The following ERBB4 variants were observed in gnomAD, a reference collection of about 807,000 sequenced individuals.
ERBB4 encodes erb-b2 receptor tyrosine kinase 4, also known as receptor tyrosine-protein kinase erbB-4.
In ERBB4, 42 loss-of-function variants were observed where a neutral mutation model predicts 158.0. The observed-to-expected ratio is 0.27, with a 90% confidence interval of 0.21 to 0.34. ERBB4 has a LOEUF of 0.34. Ranked by LOEUF, ERBB4 falls within the 10% of genes least tolerant of loss-of-function variation. ERBB4 has a pLI of 1.00. For missense variants in ERBB4, 1,333 were observed against 1,624.1 expected (o/e 0.82, Z 3.08); for synonymous variants, 583 against 558.7 (o/e 1.04, Z -0.61).
At chr2:211,769,459 T>C (rs1401571203) in intron 4 of ERBB4, among the ~76,000 whole-genome samples, 2 of 152,206 alleles carry the variant, frequency 1.3e-5, no homozygotes, top group South Asian at 2.1e-4. Context: ...AAATCTGTTA[T>C]TAGTCAGCGT....
intron 1 of ERBB4, among the ~76,000 whole-genome samples, chr2:212,536,316 G>C (rs1423435032): frequency 6.6e-6 from 1 of 152,112 alleles, no homozygotes; most frequent in African/African-American, 2.4e-5. Flanking sequence ...GGGTGGGGGT[G>C]GGGGAGGATG....
intron 1 of ERBB4, among the ~76,000 whole-genome samples, chr2:212,311,197 C>T (rs777872971): frequency 8.0e-5 from 12 of 150,580 alleles, no homozygotes; most frequent in Non-Finnish European, 1.8e-4. Flanking sequence ...AGATAGGGGT[C>T]ATCAAATTTT....
At chr2:211,915,636 A>G (rs1460326978) in intron 3 of ERBB4, among the ~76,000 whole-genome samples, 1 of 151,980 alleles carries the variant, frequency 6.6e-6, no homozygotes, top group East Asian at 1.9e-4. Flanking sequence ...TGGAATGACA[A>G]AAAAACAAGG....
At chr2:211,716,874 ACTAAT>A (rs142973913) in intron 7 of ERBB4, among the ~76,000 whole-genome samples, 9,478 of 152,254 alleles carry the variant, frequency 0.062, 384 homozygotes, top group African/African-American at 0.11. Context: ...AGATACACAA[ACTAAT>A]CTAAGAAAGG....
chr2:212,497,027 G>C (rs1183907666), intron 1 of ERBB4, among the ~76,000 whole-genome samples: 1 of 151,612 alleles, frequency 6.6e-6, no homozygotes, highest in Non-Finnish European at 1.5e-5. Context: ...TAAAAAATAT[G>C]AAAATTAGCT....
At chr2:211,913,652 T>C (rs1029984321) in intron 3 of ERBB4, among the ~76,000 whole-genome samples, 1 of 146,436 alleles carries the variant, frequency 6.8e-6, no homozygotes, top group African/African-American at 2.5e-5. Flanking sequence ...TGTGTGTGTG[T>C]GTGTGTATGT....
intron 1 of ERBB4, among the ~76,000 whole-genome samples, chr2:212,241,675 C>T (rs144624346): frequency 2.0e-3 from 311 of 152,074 alleles, no homozygotes; most frequent in African/African-American, 7.1e-3. Context: ...TATTTGCGAC[C>T]ATATCTTTTA....
chr2:211,378,887 C>A lies in ERBB4; in HGVS notation c.*4728G>T, dbSNP rs2062526604. On this transcript the variant is annotated 3_prime_UTR_variant, in exon 28 of 28. Transcript: ENST00000342788. Reference sequence around the variant, plus strand: ...ACAGTAGAAGTTAATTTATCTGTTTCTTTTTTTTTTTTTAACAACTAGAAG... The same window carrying A: ...ACAGTAGAAGTTAATTTATCTGTTTATTTTTTTTTTTTTAACAACTAGAAG... The A allele has an allele frequency of 4.8e-6, 1 of 208,454 alleles. No individual in the cohort carries two copies. Among genetic ancestry groups the A allele is most frequent in the African/African-American group, 2.3e-5 (1 of 43,770 alleles). 12.9% of individuals were successfully genotyped at this position (208,454 alleles called of 1,614,324 possible).
chr2:212,428,221 A>C (rs1002937550), intron 1 of ERBB4, among the ~76,000 whole-genome samples: 8 of 152,174 alleles, frequency 5.3e-5, no homozygotes, highest in African/African-American at 1.9e-4. Flanking sequence ...AACAGTAGAA[A>C]ATACTTTTTC....
intron 1 of ERBB4, among the ~76,000 whole-genome samples, chr2:212,440,720 G>C (rs778837996): frequency 6.6e-6 from 1 of 152,146 alleles, no homozygotes; most frequent in Non-Finnish European, 1.5e-5. Context: ...GAACTGTTTA[G>C]AGAGTTATGC....
chr2:211,803,754 A>G (rs2076551773), intron 3 of ERBB4, among the ~76,000 whole-genome samples: 3 of 152,196 alleles, frequency 2.0e-5, no homozygotes, highest in Admixed American at 2.0e-4. Context: ...GAATAATTGT[A>G]TCTGTGAACT....
chr2:212,192,756 T>C (rs1045801719), intron 1 of ERBB4, among the ~76,000 whole-genome samples: 2 of 130,822 alleles, frequency 1.5e-5, no homozygotes, highest in Non-Finnish European at 3.4e-5. Context: ...CTAGTCCACC[T>C]GATATCTGAA....
rs942253688 is a variant in ERBB4, at chr2:211,380,555, C to T, written c.*3060G>A. Reference sequence around the variant, plus strand: ...ACTGACATTTTAAAATTCTACCCTACTGGACTAAATAAGTTATTCTCTGGA... The same window carrying T: ...ACTGACATTTTAAAATTCTACCCTATTGGACTAAATAAGTTATTCTCTGGA... On this transcript the variant is annotated 3_prime_UTR_variant, in exon 28 of 28. Coordinates refer to ENST00000342788, the MANE Select transcript of ERBB4 (RefSeq NM_005235.3). The T allele has an allele frequency of 4.3e-6, 1 of 232,090 alleles. No homozygotes were observed. Among genetic ancestry groups the T allele is most frequent in the African/African-American group, 2.2e-5 (1 of 45,270 alleles). The allele number at this position is 232,090 out of a possible 1,614,324, so 14.4% of individuals were successfully genotyped here. A position where few individuals can be genotyped will look rare whatever the true frequency, so the allele number is the denominator to read the frequency against.
intron 1 of ERBB4, among the ~76,000 whole-genome samples, chr2:212,454,560 T>G (rs1688183057): frequency 6.6e-6 from 1 of 152,224 alleles, no homozygotes; most frequent in Non-Finnish European, 1.5e-5. Context: ...AAATGAAAAT[T>G]ATTTCTGCAA....
rs1271085274 is a variant in ERBB4 at position 212,362,294 on chromosome 2, AG to A, written c.82+176154del. Among the ~76,000 whole-genome samples, 7 of 151,576 alleles carry A rather than the reference AG, an allele frequency of 4.6e-5. No homozygotes were observed. The East Asian group carries it at 1.4e-3, about 29-fold the overall frequency. ...ATGGAATGGAGAAATAAATTTAAAAAGGAATGGCCAAATTAGCGGCTAATTT... is the reference window on the plus strand; with the variant it reads ...ATGGAATGGAGAAATAAATTTAAAAAGAATGGCCAAATTAGCGGCTAATTT... On this transcript the variant is annotated intron_variant, in intron 1 of 27. Transcript: ENST00000342788.
At chr2:211,409,220 C>T (rs1168951584) in intron 25 of ERBB4, among the ~76,000 whole-genome samples, 3 of 151,944 alleles carry the variant, frequency 2.0e-5, no homozygotes, top group Non-Finnish European at 4.4e-5. Flanking sequence ...AGTAAAAAAA[C>T]CTTACTTTTT....
intron 1 of ERBB4, among the ~76,000 whole-genome samples, chr2:212,351,589 C>T (rs114999656): frequency 0.015 from 2,212 of 152,074 alleles, 55 homozygotes; most frequent in African/African-American, 0.051. Context: ...TTGCCATTGG[C>T]TATGTGTAGC....
chr2:211,460,256 A>G (rs1559190199), intron 20 of ERBB4, among the ~76,000 whole-genome samples: 1 of 152,022 alleles, frequency 6.6e-6, no homozygotes, highest in Non-Finnish European at 1.5e-5. Context: ...GCTTTTTTTT[A>G]TGATTGAAAA....
chr2:211,518,903 T>G (rs2066114142), intron 20 of ERBB4, among the ~76,000 whole-genome samples: 1 of 152,160 alleles, frequency 6.6e-6, no homozygotes, highest in South Asian at 2.1e-4. Context: ...TTACTTATTT[T>G]TAAAATTAAT....
Sources: gnomAD v4.1 joint callset for allele counts (sites outside exome capture counted in the v4.1 genomes callset) on GRCh38, gnomAD v4.1.1 for gene constraint, MANE v1.5 for transcripts, NCBI Gene and HGNC (gene_info 2026-07-23, HGNC 2026-07-21) for gene names.